CSNK2A2IP: variants seen among roughly 807,000 people sequenced by gnomAD.
The protein encoded by CSNK2A2IP is casein kinase II subunit alpha'-interacting protein.
the CSNK2A2IP span, among the ~76,000 whole-genome samples, chr3:88,445,727 T>C: frequency 6.6e-6 from 1 of 152,056 alleles, no homozygotes; most frequent in East Asian, 1.9e-4. Flanking sequence ...CCTGGCTAAA[T>C]GGTTTTGTTG....
chr3:88,426,075 C>T, the CSNK2A2IP span, among the ~76,000 whole-genome samples: 2 of 152,096 alleles, frequency 1.3e-5, no homozygotes, highest in East Asian at 1.9e-4. Flanking sequence ...TAACAAATGC[C>T]CATTTTAAGT....
At chr3:88,446,106 CTTTCTTTCT>C in the CSNK2A2IP span, among the ~76,000 whole-genome samples, 2 of 81,368 alleles carry the variant, frequency 2.5e-5, no homozygotes, top group Non-Finnish European at 2.5e-5. Flanking sequence ...TTCTTTTTTT[CTTTCTTTCT>C]TTTTTTTCTT....
At chr3:88,444,154 C>T in the CSNK2A2IP span, among the ~76,000 whole-genome samples, 1 of 152,058 alleles carries the variant, frequency 6.6e-6, no homozygotes, top group South Asian at 2.1e-4. Flanking sequence ...TAATGTACCT[C>T]TGTTCATAAT....
the CSNK2A2IP span, among the ~76,000 whole-genome samples, chr3:88,429,745 G>T: frequency 3.9e-5 from 6 of 151,956 alleles, no homozygotes; most frequent in East Asian, 1.9e-4. Flanking sequence ...CATTTTTTTT[G>T]TTGTTGTTGT....
chr3:88,354,847 G>T, the CSNK2A2IP span, among the ~76,000 whole-genome samples: 2 of 152,128 alleles, frequency 1.3e-5, no homozygotes, highest in African/African-American at 4.8e-5. Context: ...TAGAACTAAG[G>T]ATGTGTGTAA....
At chr3:88,360,845 T>G in the CSNK2A2IP span, among the ~76,000 whole-genome samples, 13 of 152,062 alleles carry the variant, frequency 8.5e-5, no homozygotes, top group Non-Finnish European at 1.6e-4. Flanking sequence ...ACGTTTTCAT[T>G]GTAGGTTTGG....
the CSNK2A2IP span, among the ~76,000 whole-genome samples, chr3:88,410,874 G>C: frequency 4.6e-5 from 7 of 151,922 alleles, no homozygotes; most frequent in Non-Finnish European, 8.8e-5. Context: ...TATATATAGA[G>C]AGCGGAAGCA....
chr3:88,346,442 C>G, the CSNK2A2IP span, among the ~76,000 whole-genome samples: 1 of 151,956 alleles, frequency 6.6e-6, no homozygotes, highest in African/African-American at 2.4e-5. Flanking sequence ...CTTCAAAAGA[C>G]AGGCTGACTC....
At chr3:88,367,426 G>T in the CSNK2A2IP span, among the ~76,000 whole-genome samples, 5 of 152,160 alleles carry the variant, frequency 3.3e-5, no homozygotes, top group South Asian at 1.0e-3. Flanking sequence ...GAGATTATGA[G>T]AGTGGCTTAA....
chr3:88,467,309 C>G, the CSNK2A2IP span: 2 of 399,912 alleles, frequency 5.0e-6, no homozygotes, highest in Admixed American at 4.4e-5. Context: ...ATCTCATCCT[C>G]TTCCTCTCCT....
chr3:88,461,514 C>A, the CSNK2A2IP span, among the ~76,000 whole-genome samples: 14,597 of 152,212 alleles, frequency 0.096, 1,194 homozygotes, highest in Admixed American at 0.28. Context: ...GATCAAGCCA[C>A]TGCACTCCAG....
At chr3:88,347,332 T>G in the CSNK2A2IP span, among the ~76,000 whole-genome samples, 1 of 152,002 alleles carries the variant, frequency 6.6e-6, no homozygotes, top group Non-Finnish European at 1.5e-5. Context: ...AGTTCTAATG[T>G]GGGTAAAATG....
chr3:88,349,225 A>AC, the CSNK2A2IP span, among the ~76,000 whole-genome samples: 1 of 151,720 alleles, frequency 6.6e-6, no homozygotes, highest in Non-Finnish European at 1.5e-5. Flanking sequence ...ATTTTAGTGC[A>AC]CCCCTCACCC....
chr3:88,446,086 CTTTCTTTCTTTCTTTT>C, the CSNK2A2IP span, among the ~76,000 whole-genome samples: 2,137 of 83,674 alleles, frequency 0.026, 48 homozygotes, highest in Middle Eastern at 0.058. Context: ...TTCTTTCTTT[CTTTCTTTCTTTCTTTT>C]TTTCTTTCTT....
At chr3:88,377,871 A>G in the CSNK2A2IP span, among the ~76,000 whole-genome samples, 1 of 151,954 alleles carries the variant, frequency 6.6e-6, no homozygotes, top group African/African-American at 2.4e-5. Flanking sequence ...CAGTGACCAT[A>G]TGTGACTTTT....
the CSNK2A2IP span, among the ~76,000 whole-genome samples, chr3:88,344,430 A>G: frequency 2.6e-5 from 4 of 151,964 alleles, no homozygotes; most frequent in Admixed American, 6.6e-5. Flanking sequence ...TGAGAAGCTC[A>G]TCAAATATTG....
At chr3:88,421,637 G>C in the CSNK2A2IP span, among the ~76,000 whole-genome samples, 1 of 151,976 alleles carries the variant, frequency 6.6e-6, no homozygotes, top group Non-Finnish European at 1.5e-5. Context: ...GTCTGGTCTC[G>C]AACTCCTAAC....
At chr3:88,344,028 T>C in the CSNK2A2IP span, among the ~76,000 whole-genome samples, 1 of 151,994 alleles carries the variant, frequency 6.6e-6, no homozygotes, top group Non-Finnish European at 1.5e-5. Flanking sequence ...CACAATGTTT[T>C]TGCAGGAAAA....
At chr3:88,425,331 A>G in the CSNK2A2IP span, among the ~76,000 whole-genome samples, 1 of 152,124 alleles carries the variant, frequency 6.6e-6, no homozygotes, top group Non-Finnish European at 1.5e-5. Context: ...TTGCATCAGC[A>G]TGCTTTAAAA....
Sources: gnomAD v4.1 joint callset for allele counts (sites outside exome capture counted in the v4.1 genomes callset) on GRCh38, gnomAD v4.1.1 for gene constraint, MANE v1.5 for transcripts, NCBI Gene and HGNC (gene_info 2026-07-23, HGNC 2026-07-21) for gene names.